Variants in VAV3 observed in about 807,000 individuals in gnomAD.
The protein encoded by VAV3 is vav guanine nucleotide exchange factor 3.
Under a neutral mutation model 131.2 loss-of-function variants are expected in VAV3, and 94 were observed. The observed-to-expected ratio is 0.72, with a 90% CI of 0.61 to 0.85. The LOEUF (loss-of-function observed/expected upper bound fraction) is 0.85. Ranked by LOEUF, VAV3 falls within the 40% of genes least tolerant of loss-of-function variation. The probability of loss-of-function intolerance (pLI) is 0.00; values close to 1 mark genes in which losing one functional copy is unlikely to be tolerated. For synonymous variants in VAV3, 349 were observed against 342.0 expected (o/e 1.02, Z -0.22); for missense variants, 939 against 1,002.7 (o/e 0.94, Z 0.86).
At chr1:107,582,461 T>G (rs894892667) in intron 25 of VAV3, among the ~76,000 whole-genome samples, 25 of 152,188 alleles carry the variant, frequency 1.6e-4, no homozygotes, top group Non-Finnish European at 3.4e-4. Context: ...GTGCACAATG[T>G]GCAGGTTAGT....
intron 2 of VAV3, among the ~76,000 whole-genome samples, chr1:107,783,418 G>T (rs1312295213): frequency 6.6e-6 from 1 of 152,164 alleles, no homozygotes; most frequent in Non-Finnish European, 1.5e-5. Flanking sequence ...AGTGGAAATG[G>T]GAGGAGTGTT....
chr1:107,688,802 G>C (rs1244325336), intron 17 of VAV3, among the ~76,000 whole-genome samples: 2 of 152,102 alleles, frequency 1.3e-5, no homozygotes, highest in African/African-American at 4.8e-5. Context: ...AGCTAACAAA[G>C]GTACTGCATT....
At chr1:107,945,276 G>C (rs903782274) in intron 1 of VAV3, among the ~76,000 whole-genome samples, 6 of 152,110 alleles carry the variant, frequency 3.9e-5, no homozygotes, top group Admixed American at 2.0e-4. Flanking sequence ...AGATACATTT[G>C]AATTTTTTAG....
intron 15 of VAV3, among the ~76,000 whole-genome samples, chr1:107,726,499 CAATT>C (rs1330031778): frequency 6.6e-6 from 1 of 152,024 alleles, no homozygotes; most frequent in African/African-American, 2.4e-5. Context: ...ATTAATCAAT[CAATT>C]ATCTACATAA....
intron 1 of VAV3, among the ~76,000 whole-genome samples, chr1:107,879,711 C>CA (rs11357806): frequency 0.015 from 2,257 of 150,684 alleles, 58 homozygotes; most frequent in African/African-American, 0.052. Flanking sequence ...CTATTTTTGA[C>CA]AAAAAAAAAA....
intron 15 of VAV3, among the ~76,000 whole-genome samples, chr1:107,740,373 C>T (rs1298895853): frequency 6.6e-6 from 1 of 152,006 alleles, no homozygotes; most frequent in African/African-American, 2.4e-5. Context: ...GCCTGGACTC[C>T]GTGGGACCTG....
chr1:107,781,663 T>C (rs1665699321), intron 2 of VAV3, among the ~76,000 whole-genome samples: 3 of 152,138 alleles, frequency 2.0e-5, no homozygotes, highest in South Asian at 2.1e-4. Flanking sequence ...GACCCCAAAA[T>C]TGTATATTCT....
intron 12 of VAV3, among the ~76,000 whole-genome samples, chr1:107,753,549 T>TACGTATATATATATACAC (rs1663912480): frequency 4.9e-5 from 4 of 82,052 alleles, no homozygotes; most frequent in Non-Finnish European, 7.6e-5. Context: ...TATATATATA[T>TACGTATATATATATACAC]ACACACACAC....
Position 107,728,375 on chromosome 1 carries a change from T to A in VAV3, c.1502+20593A>T, listed in dbSNP as rs180815937. On this transcript the variant is annotated intron_variant, in intron 15 of 26. Transcript: ENST00000370056. ...ACTCCTGTGGCTTTGGGCAAATTAC[T>A]CTGTAGAGGAAGTCTTCTGGGTCTG... Among the ~76,000 whole-genome samples, 261 of 152,204 alleles carry A rather than the reference T, an allele frequency of 1.7e-3. 3 individuals are homozygous for A. The highest frequency in any genetic ancestry group is 0.015 in the Admixed American group (227 of 15,274).
At chr1:107,586,851 G>C (rs892874244) in intron 25 of VAV3, among the ~76,000 whole-genome samples, 23 of 152,040 alleles carry the variant, frequency 1.5e-4, no homozygotes, top group African/African-American at 4.8e-4. Flanking sequence ...TATTTATTTT[G>C]AACTAATCAC....
intron 2 of VAV3, among the ~76,000 whole-genome samples, chr1:107,801,098 G>A (rs1186416054): frequency 6.6e-6 from 1 of 151,914 alleles, no homozygotes; most frequent in Non-Finnish European, 1.5e-5. Context: ...GTATGTTCTT[G>A]GAGCCTATGT....
At chr1:107,641,539 A>T (rs192780792) in intron 20 of VAV3, among the ~76,000 whole-genome samples, 37 of 152,318 alleles carry the variant, frequency 2.4e-4, no homozygotes, top group African/African-American at 8.4e-4. Flanking sequence ...CTAAGTTCAA[A>T]AAAAGTTTCA....
chr1:107,688,569 G>C, intron 17 of VAV3, 163 bp from the exon 18 acceptor site: 1 of 1,501,952 alleles, frequency 6.7e-7, no homozygotes, highest in Non-Finnish European at 8.8e-7. Flanking sequence ...TAATTATTTT[G>C]CAACCTTGGT....
intron 25 of VAV3, among the ~76,000 whole-genome samples, chr1:107,579,343 A>G (rs1649871024): frequency 6.6e-6 from 1 of 152,190 alleles, no homozygotes; most frequent in African/African-American, 2.4e-5. Flanking sequence ...TGACACTGCT[A>G]TGAAGACTAG....
intron 18 of VAV3, among the ~76,000 whole-genome samples, chr1:107,684,056 T>C (rs1467645264): frequency 6.6e-6 from 1 of 152,200 alleles, no homozygotes; most frequent in Non-Finnish European, 1.5e-5. Flanking sequence ...AGACCAGTTG[T>C]ATCTGAACAC....
At chr1:107,669,587 A>G in intron 19 of VAV3, 1 of 1,145,576 alleles carries the variant, frequency 8.7e-7, no homozygotes, top group Non-Finnish European at 1.1e-6. Context: ...AAGGTAGACT[A>G]GAGCCTCCTT....
rs1674353399 is a variant in VAV3, at chr1:107,948,009, C to A, written c.204+16657G>T. Reference sequence around the variant, plus strand: ...GGGAATTTGGGACACATTTTTGTTACCTGGCTTAAAATAGCAAAACTGCTC... The same window carrying A: ...GGGAATTTGGGACACATTTTTGTTAACTGGCTTAAAATAGCAAAACTGCTC... On this transcript the variant is annotated intron_variant, in intron 1 of 26. Coordinates refer to ENST00000370056, the MANE Select transcript of VAV3 (RefSeq NM_006113.5). Among the ~76,000 whole-genome samples the A allele has an allele frequency of 4.6e-5, 7 of 152,166 alleles. No individual in the cohort carries two copies. In the South Asian group the frequency reaches 1.5e-3, roughly 32 times the overall value.
chr1:107,817,781 T>C (rs1667623533), intron 2 of VAV3, among the ~76,000 whole-genome samples: 1 of 151,918 alleles, frequency 6.6e-6, no homozygotes, highest in Admixed American at 6.6e-5. Flanking sequence ...CATAAACCTA[T>C]AGTTGTGCCA....
chr1:107,633,383 C>T (rs764532019), intron 20 of VAV3, among the ~76,000 whole-genome samples: 1 of 152,086 alleles, frequency 6.6e-6, no homozygotes, highest in Non-Finnish European at 1.5e-5. Flanking sequence ...CCACACTTTG[C>T]AAGCCACTTA....
Sources: gnomAD v4.1 joint callset for allele counts (sites outside exome capture counted in the v4.1 genomes callset) on GRCh38, gnomAD v4.1.1 for gene constraint, MANE v1.5 for transcripts, NCBI Gene and HGNC (gene_info 2026-07-23, HGNC 2026-07-21) for gene names.